Variants in TIAM1 observed in about 807,000 individuals in gnomAD.
The protein encoded by TIAM1 is rho guanine nucleotide exchange factor TIAM1.
Under a neutral mutation model 163.5 loss-of-function variants are expected in TIAM1, and 65 were observed. That is an observed-to-expected ratio of 0.40 (90% CI 0.33 to 0.49). The LOEUF (loss-of-function observed/expected upper bound fraction) is 0.49. TIAM1 is among the 20% of genes least tolerant of loss of function. The pLI, the probability that TIAM1 is intolerant of heterozygous loss-of-function variation, is 0.77. For missense variants in TIAM1, 1,789 were observed against 2,044.7 expected, an observed-to-expected ratio of 0.87 and a Z score of 2.41; for synonymous variants, 833 against 810.1, an observed-to-expected ratio of 1.03 and a Z score of -0.48.
At chr21:31,321,298 A>G (rs554387037) in intron 2 of TIAM1, among the ~76,000 whole-genome samples, 1 of 152,036 alleles carries the variant, frequency 6.6e-6, no homozygotes, top group Non-Finnish European at 1.5e-5. Flanking sequence ...GCCGGTCCAC[A>G]CTGCCTTCTC....
intron 13 of TIAM1, among the ~76,000 whole-genome samples, chr21:31,187,414 A>T (rs2085354113): frequency 6.6e-6 from 1 of 152,194 alleles, no homozygotes; most frequent in Non-Finnish European, 1.5e-5. Flanking sequence ...AGCAGAAAAC[A>T]GAAAGATTAG....
chr21:31,458,000 T>G (rs2147341810), intron 2 of TIAM1, among the ~76,000 whole-genome samples: 1 of 152,354 alleles, frequency 6.6e-6, no homozygotes, highest in African/African-American at 2.4e-5. Context: ...CAAGTCCCCT[T>G]GTTACCCAAC....
chr21:31,417,532 C>T (rs2043413305), intron 2 of TIAM1, among the ~76,000 whole-genome samples: 1 of 152,084 alleles, frequency 6.6e-6, no homozygotes, highest in Admixed American at 6.5e-5. Context: ...CGGGGGAAAC[C>T]ACCCCCATGA....
At chr21:31,497,623 T>C (rs1025781269) in intron 1 of TIAM1, among the ~76,000 whole-genome samples, 5 of 152,220 alleles carry the variant, frequency 3.3e-5, no homozygotes, top group African/African-American at 1.2e-4. Flanking sequence ...ATTTTGAACC[T>C]TGTGAACATA....
chr21:31,407,629 ATTTT>A (rs562921160), intron 2 of TIAM1, among the ~76,000 whole-genome samples: 37 of 94,070 alleles, frequency 3.9e-4, no homozygotes, highest in African/African-American at 1.4e-3. Context: ...TTTGCTCTTA[ATTTT>A]TTTTTTTTTT....
chr21:31,504,236 C>T (rs1436854028), intron 1 of TIAM1, among the ~76,000 whole-genome samples: 1 of 152,182 alleles, frequency 6.6e-6, no homozygotes, highest in Non-Finnish European at 1.5e-5. Flanking sequence ...GAACAACAGC[C>T]TGAGAGGGGT....
intron 2 of TIAM1, among the ~76,000 whole-genome samples, chr21:31,286,534 A>G (rs2073816111): frequency 6.6e-6 from 1 of 152,000 alleles, no homozygotes; most frequent in South Asian, 2.1e-4. Flanking sequence ...ACAGTAAGAC[A>G]TCATCTGTAA....
At chr21:31,526,529 G>A (rs536424500) in intron 1 of TIAM1, among the ~76,000 whole-genome samples, 3 of 152,116 alleles carry the variant, frequency 2.0e-5, no homozygotes, top group South Asian at 4.1e-4. Flanking sequence ...AATCTCATGA[G>A]GAAACTCCCT....
intron 2 of TIAM1, among the ~76,000 whole-genome samples, chr21:31,316,967 T>C (rs888831841): frequency 1.3e-5 from 2 of 152,186 alleles, no homozygotes; most frequent in African/African-American, 4.8e-5. Flanking sequence ...CCAGGAAACC[T>C]ACGTTGCTGT....
intron 2 of TIAM1, among the ~76,000 whole-genome samples, chr21:31,408,437 CTCTT>C (rs2077287002): frequency 6.6e-6 from 1 of 152,172 alleles, no homozygotes; most frequent in African/African-American, 2.4e-5. Context: ...ATTACGGACT[CTCTT>C]TCCCGAGTCA....
chr21:31,184,640 C>T (rs946932886), intron 14 of TIAM1, among the ~76,000 whole-genome samples: 11 of 152,148 alleles, frequency 7.2e-5, no homozygotes, highest in Admixed American at 2.6e-4. Context: ...TCCCCACCCC[C>T]GTGCCACGCA....
At chr21:31,498,949 A>T (rs545920108) in intron 1 of TIAM1, among the ~76,000 whole-genome samples, 4 of 149,844 alleles carry the variant, frequency 2.7e-5, no homozygotes, top group Admixed American at 6.6e-5. Flanking sequence ...CCATCAAAAG[A>T]AGAAAGAAAA....
At chr21:31,124,437 C>G in intron 27 of TIAM1, 85 bp downstream of exon 27, 2 of 1,563,806 alleles carry the variant, frequency 1.3e-6, no homozygotes, top group African/African-American at 1.4e-5. Context: ...ACCTCACCCC[C>G]ACTCAACAAG....
chr21:31,540,109 G>A (rs185463311), intron 1 of TIAM1, among the ~76,000 whole-genome samples: 1 of 152,216 alleles, frequency 6.6e-6, no homozygotes, highest in African/African-American at 2.4e-5. Flanking sequence ...GTACAGGCCG[G>A]GCGCAGTGGC....
chr21:31,257,757 A>G (rs1440165731), intron 4 of TIAM1, among the ~76,000 whole-genome samples: 1 of 152,070 alleles, frequency 6.6e-6, no homozygotes, highest in East Asian at 1.9e-4. Flanking sequence ...CACTAGTGAA[A>G]TTGAAGAACT....
At chr21:31,192,260 G>A (rs562482886) in intron 13 of TIAM1, among the ~76,000 whole-genome samples, 2 of 152,304 alleles carry the variant, frequency 1.3e-5, no homozygotes, top group South Asian at 4.1e-4. Flanking sequence ...AGGGGAAGGT[G>A]CAGAAGGAAT....
chr21:31,475,025 T>TTATTATTA lies in TIAM1; in HGVS notation c.-421-10991_-421-10990insTAATAATA, dbSNP rs1555995982. ...CATATAAGTTGCTGTGAGCTAGTTT[T>TTATTATTA]TTATTATTATTATTATTATTATTAT... On this transcript the variant is annotated intron_variant, in intron 1 of 28. Transcript: ENST00000286827. Among the ~76,000 whole-genome samples the TTATTATTA allele has an allele frequency of 3.8e-4, 45 of 118,692 alleles. No homozygotes were observed. The East Asian group carries it at 5.0e-3, about 13-fold the overall frequency. The allele number at this position is 118,692 out of a possible 152,430, so 77.9% of individuals were successfully genotyped here.
chr21:31,509,920 C>G (rs2047158003), intron 1 of TIAM1, among the ~76,000 whole-genome samples: 1 of 152,184 alleles, frequency 6.6e-6, no homozygotes, highest in Non-Finnish European at 1.5e-5. Context: ...CTATCTCAGG[C>G]AGAGGTACTA....
intron 1 of TIAM1, among the ~76,000 whole-genome samples, chr21:31,475,101 G>C (rs1285162010): frequency 6.6e-6 from 1 of 150,794 alleles, no homozygotes; most frequent in African/African-American, 2.4e-5. Flanking sequence ...TCCCAGGCTG[G>C]AGTGCAGTGG....
Sources: allele counts gnomAD v4.1 joint callset (sites outside exome capture counted in the v4.1 genomes callset), GRCh38; gene constraint gnomAD v4.1.1; transcripts MANE v1.5; gene names NCBI Gene and HGNC (gene_info 2026-07-23, HGNC 2026-07-21).